DKK2: variants seen among roughly 807,000 people sequenced by gnomAD.
DKK2 encodes the protein dickkopf Wnt signaling pathway inhibitor 2.
DKK2 carries 11 observed loss-of-function variants against 28.1 expected under a neutral mutation model. That is an observed-to-expected ratio of 0.39 (90% CI 0.25 to 0.65). DKK2 has a LOEUF of 0.65. Among genes scored for constraint, DKK2 ranks in the 30% least tolerant of loss-of-function variants. DKK2 has a pLI of 0.47. For missense variants in DKK2, 326 were observed against 335.5 expected (o/e 0.97, Z 0.22); for synonymous variants, 135 against 126.5 (o/e 1.07, Z -0.45).
chr4:106,957,038 A>C (rs1722604686), intron 1 of DKK2, among the ~76,000 whole-genome samples: 1 of 151,834 alleles, frequency 6.6e-6, no homozygotes, highest in South Asian at 2.1e-4. Context: ...TCTACAATGA[A>C]CTCAAACAAA....
intron 1 of DKK2, among the ~76,000 whole-genome samples, chr4:106,995,387 T>C (rs1350480623): frequency 6.6e-6 from 1 of 152,206 alleles, no homozygotes; most frequent in Non-Finnish European, 1.5e-5. Flanking sequence ...CTTAGTTTTG[T>C]TTTCATTTTA....
intron 1 of DKK2, among the ~76,000 whole-genome samples, chr4:107,029,948 T>G (rs1376365161): frequency 6.6e-6 from 1 of 152,152 alleles, no homozygotes; most frequent in Non-Finnish European, 1.5e-5. Flanking sequence ...GTATTTTTGC[T>G]GATTTTATTT....
intron 1 of DKK2, among the ~76,000 whole-genome samples, chr4:106,969,005 A>G (rs927872799): frequency 6.6e-6 from 1 of 152,132 alleles, no homozygotes; most frequent in African/African-American, 2.4e-5. Context: ...AAGTAAAACA[A>G]AAGTACTGAA....
In DKK2 at chr4:107,035,586, G is replaced by A; in HGVS notation, c.6C>T (p.Ala2=). 1 of 1,613,982 alleles carries A rather than the reference G, an allele frequency of 6.2e-7. No individual in the cohort carries two copies. The highest frequency in any genetic ancestry group is 8.5e-7 in the Non-Finnish European group (1 of 1,179,988). Residue 2 remains alanine (A), a synonymous_variant, in exon 1 of 4, where the codon GCC becomes GCT. Coordinates refer to ENST00000285311, the MANE Select transcript of DKK2 (RefSeq NM_014421.3). The part of the protein sequence containing the change: M[A]ALMRSKDSSC... ...ACGAATCCTTGCTCCGCATCAACGC[G>A]GCCATCTCCCGGCGAGGGGGTCCCC...
chr4:106,934,465 A>G (rs1724549338), intron 1 of DKK2, among the ~76,000 whole-genome samples: 1 of 152,184 alleles, frequency 6.6e-6, no homozygotes, highest in South Asian at 2.1e-4. Flanking sequence ...TTTCAGAAAT[A>G]TCATCTTAAT....
intron 1 of DKK2, among the ~76,000 whole-genome samples, chr4:106,988,156 A>G (rs113107134): frequency 0.018 from 2,668 of 152,184 alleles, 38 homozygotes; most frequent in Non-Finnish European, 0.029. Context: ...GAGCCACCGC[A>G]CCCGGCCCAA....
intron 1 of DKK2, among the ~76,000 whole-genome samples, chr4:106,993,926 G>A (rs1723237638): frequency 2.0e-5 from 3 of 152,138 alleles, no homozygotes; most frequent in South Asian, 4.1e-4. Context: ...GAATTTATAT[G>A]AGTTAATGGA....
Position 106,923,863 on chromosome 4 carries a change from C to G in DKK2, c.*91G>C. 1 of 1,515,106 alleles carries G rather than the reference C, an allele frequency of 6.6e-7. No individual in the cohort carries two copies. The highest frequency in any genetic ancestry group is 2.3e-5 in the East Asian group (1 of 44,010). The allele number at this position is 1,515,106 out of a possible 1,614,324, so 93.9% of individuals were successfully genotyped here. A position where few individuals can be genotyped will look rare whatever the true frequency, so the allele number is the denominator to read the frequency against. On this transcript the variant is annotated 3_prime_UTR_variant, in exon 4 of 4. Transcript: ENST00000285311. ...TATCACGTTTCTTATTTTAGCCATT[C>G]TTCTGCATCTGAACCTTATTTTCCA...
intron 1 of DKK2, among the ~76,000 whole-genome samples, chr4:106,948,851 C>T (rs1265465088): frequency 6.6e-6 from 1 of 152,130 alleles, no homozygotes; most frequent in Non-Finnish European, 1.5e-5. Context: ...ATATGATCTA[C>T]TTCATGGATA....
chr4:107,018,134 G>C (rs915482390), intron 1 of DKK2, among the ~76,000 whole-genome samples: 11 of 152,068 alleles, frequency 7.2e-5, no homozygotes, highest in African/African-American at 2.7e-4. Flanking sequence ...GTCTGAGCCA[G>C]AGGATTATGT....
intron 1 of DKK2, among the ~76,000 whole-genome samples, chr4:106,942,583 A>C (rs536278241): frequency 6.6e-6 from 1 of 152,204 alleles, no homozygotes; most frequent in African/African-American, 2.4e-5. Context: ...AGGGAGAGTG[A>C]AAAAGAAAGG....
At chr4:106,948,652 A>C (rs1724813766) in intron 1 of DKK2, among the ~76,000 whole-genome samples, 1 of 152,206 alleles carries the variant, frequency 6.6e-6, no homozygotes, top group African/African-American at 2.4e-5. Flanking sequence ...CTTATAGTAC[A>C]TCTGAGGAAA....
chr4:106,936,078 C>T (rs1054094799), intron 1 of DKK2, among the ~76,000 whole-genome samples: 32 of 152,184 alleles, frequency 2.1e-4, no homozygotes, highest in African/African-American at 7.2e-4. Flanking sequence ...TCCAAAGGAA[C>T]ACAGTTCCTC....
At chr4:106,967,434 C>G (rs949027957) in intron 1 of DKK2, among the ~76,000 whole-genome samples, 4 of 152,002 alleles carry the variant, frequency 2.6e-5, no homozygotes, top group African/African-American at 9.7e-5. Flanking sequence ...AGTGAAAAGG[C>G]CTATGTCAAG....
intron 1 of DKK2, among the ~76,000 whole-genome samples, chr4:106,973,311 C>T (rs1722896067): frequency 6.6e-6 from 1 of 152,190 alleles, no homozygotes. Flanking sequence ...GGAATCACCA[C>T]ACTGTCTTCC....
In DKK2 at chr4:106,964,966, TA is replaced by T. The variant is rs201675149; in HGVS notation, c.223-39018del. On this transcript the variant is annotated intron_variant, in intron 1 of 3. Coordinates refer to ENST00000285311, the MANE Select transcript of DKK2 (RefSeq NM_014421.3). ...TTAGATATAGATAGATAGATATAGA[TA>T]GATAGATAGATAGATAGATAGATAG... Among the ~76,000 whole-genome samples the T allele has an allele frequency of 3.4e-4, 46 of 136,850 alleles. 1 individual carries two copies. The highest frequency in any genetic ancestry group is 1.1e-3 in the South Asian group (5 of 4,412). The allele number at this position is 136,850 out of a possible 152,430, so 89.8% of individuals were successfully genotyped here.
chr4:107,036,187 C>T lies in DKK2; in HGVS notation c.-596G>A, dbSNP rs1050188131. On this transcript the variant is annotated 5_prime_UTR_variant, in exon 1 of 4. The change creates a new upstream start codon in the 5' untranslated region. Coordinates refer to ENST00000285311, the MANE Select transcript of DKK2 (RefSeq NM_014421.3). ...AGAATCGAGGTCCCCCACACGCGCA[C>T]TCACAGTTGCCCCGAAGCGTTGTCC... The T allele has an allele frequency of 6.5e-6, 1 of 152,870 alleles. No individual in the cohort carries two copies. The highest frequency in any genetic ancestry group is 2.4e-5 in the African/African-American group (1 of 41,462). 9.5% of individuals were successfully genotyped at this position (152,870 alleles called of 1,614,324 possible).
rs745318292 is a variant in DKK2, at chr4:106,924,655, G to A, written c.419C>T (p.Pro140Leu). The A allele has an allele frequency of 1.9e-5, 30 of 1,613,652 alleles. No homozygotes were observed. The highest frequency in any genetic ancestry group is 1.6e-4 in the Middle Eastern group (1 of 6,076). ...VTESILTPHI[P>L]ALDGTRHRDR... ...TCTGTGCCGAGTACCATCCAGAGCCGGGATGTGAGGGGTTAAGATGCTTTC... is the reference window on the plus strand; with the variant it reads ...TCTGTGCCGAGTACCATCCAGAGCCAGGATGTGAGGGGTTAAGATGCTTTC... Residue 140 changes from proline to leucine, a missense_variant, in exon 3 of 4, where the codon CCG becomes CTG. Pro to Leu is a moderately conservative substitution (Grantham distance 98, BLOSUM62 -3). Transcript: ENST00000285311.
At chr4:106,994,518 CAT>C (rs1307612954) in intron 1 of DKK2, among the ~76,000 whole-genome samples, 28 of 151,212 alleles carry the variant, frequency 1.9e-4, no homozygotes, top group South Asian at 4.2e-4. Flanking sequence ...CACACACACA[CAT>C]AGGACAAGTT....
Sources: allele counts gnomAD v4.1 joint callset (sites outside exome capture counted in the v4.1 genomes callset), GRCh38; gene constraint gnomAD v4.1.1; transcripts MANE v1.5; gene names NCBI Gene and HGNC (gene_info 2026-07-23, HGNC 2026-07-21).